SMIM20: variants seen among roughly 807,000 people sequenced by gnomAD.
SMIM20 encodes the protein mitochondrial translation regulation assembly intermediate of cytochrome c oxidase protein of 7 kDa.
In SMIM20, 3 loss-of-function variants were observed where a neutral mutation model predicts 8.7. The ratio of observed to expected loss-of-function variants is 0.34; its 90% CI spans 0.16 to 0.89. The LOEUF is 0.89. SMIM20 is among the 40% of genes least tolerant of loss of function. The pLI is 0.49. For synonymous variants in SMIM20, 44 were observed against 33.6 expected (o/e 1.31, Z -1.07); for missense variants, 85 against 84.8 (o/e 1.00, Z -0.01).
At chr4:25,921,153 G>A (rs960726961) in intron 1 of SMIM20, among the ~76,000 whole-genome samples, 66 of 152,158 alleles carry the variant, frequency 4.3e-4, no homozygotes, top group African/African-American at 1.4e-3. Flanking sequence ...GGCCAGGTAC[G>A]GGAAGGCTGT....
chr4:25,929,240 C>T lies in SMIM20; in HGVS notation c.*49C>T, dbSNP rs1344210665. On this transcript the variant is annotated 3_prime_UTR_variant, in exon 3 of 3. Coordinates refer to ENST00000506197, the MANE Select transcript of SMIM20 (RefSeq NM_001145432.3). ...AAGAAAGGAGATTTCTTCATGCTTT[C>T]GATTCTGCATGGGGTACAGCCAGTC... 4 of 1,543,520 alleles carry T rather than the reference C, an allele frequency of 2.6e-6. No homozygotes were observed. Among genetic ancestry groups the T allele is most frequent in the Admixed American group, 3.9e-5 (2 of 50,934 alleles).
At chr4:25,914,535 C>A in intron 1 of SMIM20, 113 bp downstream of exon 1, 1 of 1,095,288 alleles carries the variant, frequency 9.1e-7, no homozygotes, top group Non-Finnish European at 1.2e-6. Context: ...TAGGGAGAGC[C>A]GGGTTCGAAT....
chr4:25,919,000 G>A (rs1257376175), intron 1 of SMIM20, among the ~76,000 whole-genome samples: 2 of 147,358 alleles, frequency 1.4e-5, no homozygotes, highest in Non-Finnish European at 3.0e-5. Context: ...CGCTTCCCGG[G>A]TTCACGCCAT....
At chr4:25,914,590 C>G (rs1294374528) in intron 1 of SMIM20, among the ~76,000 whole-genome samples, 168 bp downstream of exon 1, 1 of 152,192 alleles carries the variant, frequency 6.6e-6, no homozygotes, top group Non-Finnish European at 1.5e-5. Flanking sequence ...TGCTCAACCT[C>G]TAGGACTCTC....
intron 1 of SMIM20, 181 bp from the exon 2 acceptor site, chr4:25,928,132 C>G (rs559432293): frequency 6.4e-6 from 3 of 469,038 alleles, no homozygotes; most frequent in Non-Finnish European, 1.1e-5. Context: ...TACCCAATCT[C>G]TTTTGCATTA....
chr4:25,929,088 G>A, intron 2 of SMIM20, 66 bp from the exon 3 acceptor site: 1 of 1,527,454 alleles, frequency 6.5e-7, no homozygotes, highest in Non-Finnish European at 8.9e-7. Flanking sequence ...TTGTTTGTTT[G>A]GGGTGGAGGA....
chr4:25,928,214 T>A, intron 1 of SMIM20, 99 bp from the exon 2 acceptor site: 1 of 1,218,688 alleles, frequency 8.2e-7, no homozygotes, highest in Non-Finnish European at 1.2e-6. Context: ...TCATAAATAC[T>A]GTTTTCTAAT....
intron 1 of SMIM20, among the ~76,000 whole-genome samples, chr4:25,924,551 T>A (rs1207267398): frequency 6.6e-6 from 1 of 152,212 alleles, no homozygotes; most frequent in Admixed American, 6.5e-5. Flanking sequence ...ATATTGTCCT[T>A]CACCTTGATT....
intron 1 of SMIM20, among the ~76,000 whole-genome samples, chr4:25,918,745 C>T (rs922056255): frequency 6.6e-6 from 1 of 151,612 alleles, no homozygotes; most frequent in Admixed American, 6.6e-5. Flanking sequence ...ACTCTTTGAC[C>T]TCAGGTGATC....
chr4:25,917,978 T>G (rs955262540), intron 1 of SMIM20, among the ~76,000 whole-genome samples: 1 of 148,930 alleles, frequency 6.7e-6, no homozygotes, highest in Non-Finnish European at 1.5e-5. Context: ...AGTCTCGCTC[T>G]TTCGCCCAGG....
intron 1 of SMIM20, among the ~76,000 whole-genome samples, chr4:25,917,344 A>C (rs1025632093): frequency 2.6e-5 from 4 of 152,034 alleles, no homozygotes; most frequent in Admixed American, 2.0e-4. Context: ...GGGTGAATTA[A>C]ATGGGGTAAC....
intron 1 of SMIM20, among the ~76,000 whole-genome samples, chr4:25,926,763 A>G (rs1190346858): frequency 2.0e-5 from 3 of 152,182 alleles, no homozygotes; most frequent in Non-Finnish European, 4.4e-5. Flanking sequence ...CTAAGTCTAG[A>G]ATGCTTTCTG....
chr4:25,914,490 C>G lies in SMIM20; in HGVS notation c.109+68C>G, dbSNP rs576949215. On this transcript the variant is annotated intron_variant, in intron 1 of 2. Transcript: ENST00000506197. Reference sequence around the variant, plus strand: ...ACACACACCTCCCCTCTGTGAGCTCCACGTGGTGCCGTGGAAAGAACTTGG... The same window carrying G: ...ACACACACCTCCCCTCTGTGAGCTCGACGTGGTGCCGTGGAAAGAACTTGG... 5 of 1,347,878 alleles carry G rather than the reference C, an allele frequency of 3.7e-6. No homozygotes were observed. In the African/African-American group the frequency reaches 7.5e-5, roughly 20 times the overall value. The allele number at this position is 1,347,878 out of a possible 1,614,324, so 83.5% of individuals were successfully genotyped here.
At chr4:25,927,721 G>C (rs1710245793) in intron 1 of SMIM20, among the ~76,000 whole-genome samples, 1 of 152,198 alleles carries the variant, frequency 6.6e-6, no homozygotes, top group Admixed American at 6.5e-5. Flanking sequence ...TTGCCTGTTG[G>C]ACATCTCCAA....
intron 2 of SMIM20, 30 bp from the exon 3 acceptor site, chr4:25,929,124 T>A (rs771502081): frequency 1.9e-6 from 3 of 1,551,352 alleles, no homozygotes; most frequent in Non-Finnish European, 2.6e-6. Context: ...TAAAAATGAA[T>A]CCTGTTTTTG....
intron 1 of SMIM20, among the ~76,000 whole-genome samples, chr4:25,914,626 G>A: frequency 6.6e-6 from 1 of 152,134 alleles, no homozygotes; most frequent in East Asian, 1.9e-4. Flanking sequence ...GAATGTTTGT[G>A]GCTACGTCAT....
intron 2 of SMIM20, 58 bp from the exon 3 acceptor site, chr4:25,929,096 G>C: frequency 6.5e-7 from 1 of 1,541,584 alleles, no homozygotes; most frequent in Non-Finnish European, 8.8e-7. Context: ...TTGGGGTGGA[G>C]GAAAGTGGAA....
chr4:25,920,591 T>C (rs914933770), intron 1 of SMIM20, among the ~76,000 whole-genome samples: 4 of 152,188 alleles, frequency 2.6e-5, no homozygotes, highest in African/African-American at 4.8e-5. Context: ...AAAGAAATTT[T>C]AAACAATAAA....
chr4:25,914,988 A>G (rs2109361204), intron 1 of SMIM20, among the ~76,000 whole-genome samples: 1 of 152,306 alleles, frequency 6.6e-6, no homozygotes, highest in East Asian at 1.9e-4. Context: ...TGGGGGAGCC[A>G]GATGGAACCC....
Sources: allele counts gnomAD v4.1 joint callset (sites outside exome capture counted in the v4.1 genomes callset), GRCh38; gene constraint gnomAD v4.1.1; transcripts MANE v1.5; gene names NCBI Gene and HGNC (gene_info 2026-07-23, HGNC 2026-07-21).